The following MAGI1 variants were observed in gnomAD, a reference collection of about 807,000 sequenced individuals.
MAGI1 encodes the protein membrane associated guanylate kinase, WW and PDZ domain containing 1.
A neutral mutation model predicts 139.9 loss-of-function variants in MAGI1; 58 were observed. That is an observed-to-expected ratio of 0.41 (90% CI 0.34 to 0.52). MAGI1 has a LOEUF of 0.52. Ranked by LOEUF, MAGI1 falls within the 20% of genes least tolerant of loss-of-function variation. MAGI1 has a pLI of 0.12. For synonymous variants in MAGI1, 812 were observed against 737.9 expected (o/e 1.10, Z -1.63); for missense variants, 1,874 against 1,901.6 (o/e 0.99, Z 0.27).
At chr3:65,766,448 T>C (rs76313274) in intron 1 of MAGI1, among the ~76,000 whole-genome samples, 1,704 of 152,192 alleles carry the variant, frequency 0.011, 34 homozygotes, top group African/African-American at 0.039. Context: ...TGCAAGGGAT[T>C]GTACAGCTAT....
At chr3:65,847,976 T>C (rs771674573) in intron 1 of MAGI1, among the ~76,000 whole-genome samples, 9 of 152,124 alleles carry the variant, frequency 5.9e-5, no homozygotes, top group Non-Finnish European at 8.8e-5. Flanking sequence ...TTGAGTCCAG[T>C]TTGGGCAACA....
In MAGI1 at chr3:65,684,591, T is replaced by C. The variant is rs146220650; in HGVS notation, c.314-62503A>G. 8.3e-3 allele frequency among the ~76,000 whole-genome samples: 1,260 copies of C among 152,316 alleles called. 18 individuals are homozygous for C. The highest frequency in any genetic ancestry group is 0.028 in the African/African-American group (1,182 of 41,552). ...CTGTTCAATATCTTGACTGTGGTTGTAGATACATGAACCTACATGGGTGAA... is the reference window on the plus strand; with the variant it reads ...CTGTTCAATATCTTGACTGTGGTTGCAGATACATGAACCTACATGGGTGAA... On this transcript the variant is annotated intron_variant, in intron 1 of 22. Coordinates refer to ENST00000402939, the MANE Select transcript of MAGI1 (RefSeq NM_001033057.2).
At chr3:65,388,206 G>A (rs1161390754) in intron 14 of MAGI1, among the ~76,000 whole-genome samples, 4 of 152,196 alleles carry the variant, frequency 2.6e-5, no homozygotes, top group Non-Finnish European at 5.9e-5. Flanking sequence ...TGCCTTGAGA[G>A]ATGGCCATAT....
At chr3:65,602,448 A>G (rs1156568814) in intron 2 of MAGI1, among the ~76,000 whole-genome samples, 4 of 151,488 alleles carry the variant, frequency 2.6e-5, no homozygotes, top group Non-Finnish European at 4.4e-5. Flanking sequence ...AACATGTCAC[A>G]TATTGTGTTA....
chr3:65,381,439 G>A (rs1943044669), intron 16 of MAGI1, among the ~76,000 whole-genome samples: 1 of 152,040 alleles, frequency 6.6e-6, no homozygotes, highest in African/African-American at 2.4e-5. Context: ...AAAAATCTTG[G>A]TTTAATACAT....
chr3:65,373,490 A>T (rs1284621903), intron 18 of MAGI1, among the ~76,000 whole-genome samples: 1 of 152,224 alleles, frequency 6.6e-6, no homozygotes, highest in Non-Finnish European at 1.5e-5. Flanking sequence ...CAAAGGCACA[A>T]AGTGAGCACC....
At chr3:65,685,389 T>G (rs866205849) in intron 1 of MAGI1, among the ~76,000 whole-genome samples, 2 of 152,126 alleles carry the variant, frequency 1.3e-5, no homozygotes, top group Non-Finnish European at 2.9e-5. Context: ...CATACCTTTA[T>G]TTGCATTTTA....
intron 1 of MAGI1, among the ~76,000 whole-genome samples, chr3:65,863,451 A>T (rs72909436): frequency 0.041 from 6,231 of 152,286 alleles, 427 homozygotes; most frequent in African/African-American, 0.14. Context: ...TTAAAATCAT[A>T]AAGAAATAAG....
chr3:65,560,341 C>A (rs892041012), intron 2 of MAGI1, among the ~76,000 whole-genome samples: 6 of 152,050 alleles, frequency 3.9e-5, no homozygotes, highest in African/African-American at 1.2e-4. Flanking sequence ...AGGATAAACG[C>A]TTGAGGGGAT....
At chr3:65,717,765 C>T (rs1216277859) in intron 1 of MAGI1, among the ~76,000 whole-genome samples, 1 of 152,098 alleles carries the variant, frequency 6.6e-6, no homozygotes, top group Non-Finnish European at 1.5e-5. Flanking sequence ...CTGATTGGTC[C>T]AGCTTAGACC....
intron 1 of MAGI1, chr3:65,872,930 G>A (rs778796658): frequency 4.6e-5 from 7 of 152,138 alleles, no homozygotes; most frequent in Non-Finnish European, 8.8e-5. Flanking sequence ...GTGGGAAATA[G>A]CACAAGGAGT....
intron 1 of MAGI1, among the ~76,000 whole-genome samples, chr3:65,710,723 C>T (rs1052413398): frequency 1.3e-5 from 2 of 152,162 alleles, no homozygotes; most frequent in African/African-American, 4.8e-5. Context: ...TTTTCAGAGA[C>T]TAATTTGCCC....
At position 66,038,134 on chromosome 3, in the gene MAGI1, C is replaced by T. The variant is rs2069046193; in HGVS notation, c.175G>A (p.Gly59Ser). 2 of 1,612,078 alleles carry T rather than the reference C, an allele frequency of 1.2e-6. No individual in the cohort carries two copies. The highest frequency in any genetic ancestry group is 1.1e-5 in the South Asian group (1 of 91,002). Residue 59 changes from glycine (G) to serine (S), a missense_variant, in exon 1 of 23, where the codon GGC (glycine) becomes AGC (serine). Gly to Ser is a moderately conservative substitution (Grantham distance 56). Around this residue, in one of 5 missense-constraint regions of MAGI1, gnomAD observed 648 missense variants for 598.1 expected, o/e 1.08. Transcript: ENST00000402939. ...CCTTCGCCCAGCCTCGGGCCCTCGCCGCCGCCGGGAAGCCCCGCTGCCTCG... is the reference window on the plus strand; with the variant it reads ...CCTTCGCCCAGCCTCGGGCCCTCGCTGCCGCCGGGAAGCCCCGCTGCCTCG... ...AVEAAGLPGG[G>S]EGPRLGEGEL...
At chr3:65,658,117 T>C (rs1259920807) in intron 1 of MAGI1, among the ~76,000 whole-genome samples, 1 of 152,176 alleles carries the variant, frequency 6.6e-6, no homozygotes, top group Non-Finnish European at 1.5e-5. Context: ...TTATCATGTG[T>C]TCCCTGGGGG....
intron 1 of MAGI1, among the ~76,000 whole-genome samples, chr3:65,952,833 C>T (rs2063933348): frequency 6.6e-6 from 1 of 152,106 alleles, no homozygotes; most frequent in South Asian, 2.1e-4. Context: ...CAAACAACAA[C>T]AAAAAGCCAC....
At chr3:65,733,355 C>A (rs562468419) in intron 1 of MAGI1, among the ~76,000 whole-genome samples, 2 of 152,228 alleles carry the variant, frequency 1.3e-5, no homozygotes, top group East Asian at 3.9e-4. Context: ...CCACCGTGCC[C>A]AGCTGTGTTT....
At chr3:65,406,932 C>T (rs1030938709) in intron 12 of MAGI1, among the ~76,000 whole-genome samples, 3 of 152,028 alleles carry the variant, frequency 2.0e-5, no homozygotes, top group African/African-American at 7.2e-5. Context: ...GTCTTAGATA[C>T]CAAAGAAGAT....
At position 65,566,395 on chromosome 3, in the gene MAGI1, T is replaced by G. The variant is rs960529159; in HGVS notation, c.430+55577A>C. On this transcript the variant is annotated intron_variant, in intron 2 of 22. Coordinates refer to ENST00000402939, the MANE Select transcript of MAGI1 (RefSeq NM_001033057.2). ...CAGAACATTAACAGGGACTGAGTAGTAAGATTCAGGGTGATTTTTATGTCT... is the reference window on the plus strand; with the variant it reads ...CAGAACATTAACAGGGACTGAGTAGGAAGATTCAGGGTGATTTTTATGTCT... Among the ~76,000 whole-genome samples the G allele has an allele frequency of 5.3e-5, 8 of 152,214 alleles. No homozygotes were observed. In the South Asian group the frequency reaches 1.0e-3, roughly 20 times the overall value.
chr3:65,438,277 C>T (rs1001119802), intron 9 of MAGI1, among the ~76,000 whole-genome samples: 1 of 152,158 alleles, frequency 6.6e-6, no homozygotes, highest in Non-Finnish European at 1.5e-5. Flanking sequence ...AACTCAGAAA[C>T]AGAAAGTGAA....
Sources: allele counts gnomAD v4.1 joint callset (sites outside exome capture counted in the v4.1 genomes callset), GRCh38; gene constraint gnomAD v4.1.1; regional missense constraint gnomAD v4.1.1; transcripts MANE v1.5; gene names NCBI Gene and HGNC (gene_info 2026-07-23, HGNC 2026-07-21).